Variants in KCNIP1 observed in about 807,000 individuals in gnomAD.
The protein encoded by KCNIP1 is A-type potassium channel modulatory protein KCNIP1.
A neutral mutation model predicts 33.0 loss-of-function variants in KCNIP1; 18 were observed. That is an observed-to-expected ratio of 0.55 (90% confidence interval 0.38 to 0.81). The LOEUF (loss-of-function observed/expected upper bound fraction) is 0.81. KCNIP1 is among the 30% of genes least tolerant of loss of function. The pLI, the probability that KCNIP1 is intolerant of heterozygous loss-of-function variation, is 0.00. For missense variants in KCNIP1, 238 were observed against 271.6 expected (o/e 0.88, Z 0.87); for synonymous variants, 93 against 98.3 (o/e 0.95, Z 0.32).
At chr5:170,358,766 G>A (rs1763417227) in intron 1 of KCNIP1, among the ~76,000 whole-genome samples, 1 of 152,190 alleles carries the variant, frequency 6.6e-6, no homozygotes, top group Non-Finnish European at 1.5e-5. Context: ...GGTAGGGATT[G>A]CAATCACCAT....
At chr5:170,685,443 G>T (rs1274157366) in intron 1 of KCNIP1, among the ~76,000 whole-genome samples, 1 of 149,430 alleles carries the variant, frequency 6.7e-6, no homozygotes, top group East Asian at 2.0e-4. Context: ...CACACTAGAT[G>T]TGAGGACCAG....
intron 1 of KCNIP1, among the ~76,000 whole-genome samples, chr5:170,487,855 C>G (rs978691950): frequency 6.6e-6 from 1 of 152,112 alleles, no homozygotes; most frequent in Admixed American, 6.5e-5. Flanking sequence ...GAAAAAAAAC[C>G]CTGACTCCTC....
At chr5:170,575,796 G>T (rs1202801053) in intron 1 of KCNIP1, among the ~76,000 whole-genome samples, 1 of 152,180 alleles carries the variant, frequency 6.6e-6, no homozygotes, top group Non-Finnish European at 1.5e-5. Flanking sequence ...GTGGGAGTGG[G>T]AGAGGACTGC....
At chr5:170,411,374 C>A (rs1204702883) in intron 1 of KCNIP1, among the ~76,000 whole-genome samples, 1 of 152,206 alleles carries the variant, frequency 6.6e-6, no homozygotes, top group African/African-American at 2.4e-5. Context: ...GGGGTTCGTA[C>A]CTTCAAAGAC....
At chr5:170,549,416 TAC>T in intron 1 of KCNIP1, among the ~76,000 whole-genome samples, 1 of 152,226 alleles carries the variant, frequency 6.6e-6, no homozygotes, top group Non-Finnish European at 1.5e-5. Flanking sequence ...CCATATAGTG[TAC>T]ATTGTACCCA....
At chr5:170,643,634 G>A (rs952456581) in intron 1 of KCNIP1, among the ~76,000 whole-genome samples, 4 of 152,208 alleles carry the variant, frequency 2.6e-5, no homozygotes, top group South Asian at 2.1e-4. Flanking sequence ...AACTATCCAC[G>A]GCTGCTGTGA....
chr5:170,613,411 TA>T (rs1759251133), intron 1 of KCNIP1, among the ~76,000 whole-genome samples: 1 of 152,224 alleles, frequency 6.6e-6, no homozygotes, highest in Non-Finnish European at 1.5e-5. Flanking sequence ...TTATATGCAC[TA>T]ATTTATTTAG....
chr5:170,396,292 G>A (rs1254988516), intron 1 of KCNIP1, among the ~76,000 whole-genome samples: 3 of 152,180 alleles, frequency 2.0e-5, no homozygotes, highest in Non-Finnish European at 4.4e-5. Context: ...CTCCCAGCCT[G>A]GGGAGACCCT....
At chr5:170,464,712 C>G (rs1756574026) in intron 1 of KCNIP1, among the ~76,000 whole-genome samples, 1 of 152,120 alleles carries the variant, frequency 6.6e-6, no homozygotes, top group African/African-American at 2.4e-5. Context: ...ACATTGCATC[C>G]TCTCAGCCAC....
At chr5:170,651,842 GTGAC>G (rs1475236558) in intron 1 of KCNIP1, among the ~76,000 whole-genome samples, 1 of 152,146 alleles carries the variant, frequency 6.6e-6, no homozygotes, top group East Asian at 1.9e-4. Flanking sequence ...ATAATTTCCA[GTGAC>G]TGACTACTTG....
intron 1 of KCNIP1, among the ~76,000 whole-genome samples, chr5:170,620,879 T>A (rs1157293628): frequency 6.6e-6 from 1 of 152,084 alleles, no homozygotes; most frequent in Non-Finnish European, 1.5e-5. Context: ...ATGAGGGCCC[T>A]CCCCAAGGAT....
intron 1 of KCNIP1, among the ~76,000 whole-genome samples, chr5:170,379,447 T>C (rs1764148603): frequency 6.6e-6 from 1 of 152,148 alleles, no homozygotes; most frequent in Non-Finnish European, 1.5e-5. Context: ...CCTACAGGGC[T>C]CATGAAGGTA....
rs70979196 is a variant in KCNIP1 at position 170,682,784 on chromosome 5, C to CTTTTTTTTTTTTTTTTTTTTTTT, written c.62-35971_62-35949dup. Reference sequence around the variant, plus strand: ...CAACAGCGTCCTATTTTCTTTGTTTCTTTTTTTTTTTTTTTTTTTTTTTTT... The same window carrying CTTTTTTTTTTTTTTTTTTTTTTT: ...CAACAGCGTCCTATTTTCTTTGTTTCTTTTTTTTTTTTTTTTTTTTTTTTTTTTTTTTTTTTTTTTTTTTTTTT... On this transcript the variant is annotated intron_variant, in intron 1 of 7. Coordinates refer to ENST00000328939, the MANE Select transcript of KCNIP1 (RefSeq NM_014592.4). Among the ~76,000 whole-genome samples the CTTTTTTTTTTTTTTTTTTTTTTT allele has an allele frequency of 1.2e-3, 83 of 71,392 alleles. 10 individuals carry two copies. The highest frequency in any genetic ancestry group is 3.2e-3 in the African/African-American group (55 of 17,264). 46.8% of individuals were successfully genotyped at this position (71,392 alleles called of 152,430 possible).
In KCNIP1 at chr5:170,550,015, G is replaced by A. The variant is rs141442786; in HGVS notation, c.61+45382G>A. Among the ~76,000 whole-genome samples, 50 of 151,496 alleles carry A rather than the reference G, an allele frequency of 3.3e-4. 1 individual carries two copies. In the East Asian group the frequency reaches 9.7e-3, roughly 29 times the overall value. On this transcript the variant is annotated intron_variant, in intron 1 of 7. Transcript: ENST00000328939. The stretch of plus-strand genomic sequence containing the variant: ...CGGTGAATAAAAAAGATATAGTTCT[G>A]TCTCATGGAGCTTGTAGGAGCATTG...
intron 1 of KCNIP1, among the ~76,000 whole-genome samples, chr5:170,556,374 C>A (rs972322067): frequency 8.5e-5 from 13 of 152,238 alleles, no homozygotes; most frequent in African/African-American, 2.9e-4. Context: ...AGGAAGAATG[C>A]ATCTGAGATG....
At chr5:170,507,620 C>A (rs1477032188) in intron 1 of KCNIP1, among the ~76,000 whole-genome samples, 1 of 152,176 alleles carries the variant, frequency 6.6e-6, no homozygotes, top group Non-Finnish European at 1.5e-5. Context: ...GTGGCTTGTC[C>A]TGAAAACATC....
At chr5:170,650,119 C>T (rs750400957) in intron 1 of KCNIP1, among the ~76,000 whole-genome samples, 11 of 151,834 alleles carry the variant, frequency 7.2e-5, no homozygotes, top group African/African-American at 2.7e-4. Flanking sequence ...AGATTAGATA[C>T]CCTTTAATGT....
intron 1 of KCNIP1, among the ~76,000 whole-genome samples, chr5:170,648,636 A>G (rs1482544117): frequency 3.3e-5 from 5 of 152,206 alleles, no homozygotes; most frequent in South Asian, 2.1e-4. Context: ...GTGGAGCACA[A>G]AGGATTTTTA....
intron 1 of KCNIP1, among the ~76,000 whole-genome samples, chr5:170,568,353 A>G (rs4867980): frequency 0.92 from 140,107 of 152,004 alleles, 65,632 homozygotes; most frequent in Non-Finnish European, 1. Flanking sequence ...TTTGTTTACT[A>G]AGCTCCTAGG....
Sources: gnomAD v4.1 joint callset for allele counts (sites outside exome capture counted in the v4.1 genomes callset) on GRCh38, gnomAD v4.1.1 for gene constraint, MANE v1.5 for transcripts, NCBI Gene and HGNC (gene_info 2026-07-23, HGNC 2026-07-21) for gene names.